Variants in CTNNA3 observed in about 807,000 individuals in gnomAD.
The protein encoded by CTNNA3 is catenin alpha-3.
CTNNA3 carries 76 observed loss-of-function variants against 95.7 expected under a neutral mutation model. The observed-to-expected ratio is 0.79, with a 90% CI of 0.66 to 0.96. The LOEUF (loss-of-function observed/expected upper bound fraction) is 0.96, where lower values mean the gene tolerates loss of function less well. Among genes scored for constraint, CTNNA3 ranks in the 40% least tolerant of loss-of-function variants. CTNNA3 has a pLI of 0.00. For missense variants in CTNNA3, 1,191 were observed against 1,089.8 expected, an observed-to-expected ratio of 1.09 and a Z score of -1.31; for synonymous variants, 431 against 374.4, an observed-to-expected ratio of 1.15 and a Z score of -1.74.
At position 67,092,041 on chromosome 10, in the gene CTNNA3, G is replaced by A. The variant is rs141463588; in HGVS notation, c.1047+88276C>T. On this transcript the variant is annotated intron_variant, in intron 7 of 17. Transcript: ENST00000433211. ...ATGAAAAATAAAAGTAAGAAAATAC[G>A]CCTCTGAATTTCAAGATAAAATGCA... Among the ~76,000 whole-genome samples the A allele has an allele frequency of 9.2e-4, 139 of 151,708 alleles. 2 individuals carry two copies. The highest frequency in any genetic ancestry group is 3.1e-3 in the African/African-American group (130 of 41,358).
rs528417930 is a variant in CTNNA3 at position 66,413,719 on chromosome 10, A to C, written c.1532-34367T>G. Among the ~76,000 whole-genome samples, 3 of 152,330 alleles carry C rather than the reference A, an allele frequency of 2.0e-5. No individual in the cohort carries two copies. The East Asian group carries it at 5.8e-4, about 29-fold the overall frequency. On this transcript the variant is annotated intron_variant, in intron 11 of 17. Coordinates refer to ENST00000433211, the MANE Select transcript of CTNNA3 (RefSeq NM_013266.4). ...CCTTAGAAGATTAAACAGCCATGTA[A>C]ATCCATTATCCAGAAGGTTAGACAT...
chr10:67,739,844 C>T (rs1371841742), intron 1 of CTNNA3, among the ~76,000 whole-genome samples: 2 of 152,062 alleles, frequency 1.3e-5, no homozygotes, highest in Non-Finnish European at 2.9e-5. Context: ...GAGGCCGCAT[C>T]GCCAAGTCAA....
At chr10:66,911,900 T>C (rs768759679) in intron 7 of CTNNA3, among the ~76,000 whole-genome samples, 1 of 152,266 alleles carries the variant, frequency 6.6e-6, no homozygotes, top group South Asian at 2.1e-4. Context: ...CCTGAACATA[T>C]AATGACATGT....
chr10:66,873,121 T>A (rs938196922), intron 7 of CTNNA3, among the ~76,000 whole-genome samples: 1 of 152,184 alleles, frequency 6.6e-6, no homozygotes, highest in Non-Finnish European at 1.5e-5. Flanking sequence ...GTTGATTTCA[T>A]GTTTTTGCTA....
intron 15 of CTNNA3, among the ~76,000 whole-genome samples, chr10:66,006,902 A>G (rs924166221): frequency 2.0e-5 from 3 of 152,194 alleles, no homozygotes; most frequent in African/African-American, 7.2e-5. Context: ...GTCAAGACCA[A>G]TCACAGCTAA....
intron 5 of CTNNA3, among the ~76,000 whole-genome samples, chr10:67,238,434 C>T (rs1204888391): frequency 6.7e-6 from 1 of 149,232 alleles, no homozygotes; most frequent in Non-Finnish European, 1.5e-5. Flanking sequence ...TCAGCAAATA[C>T]TAAACTAAAA....
chr10:67,535,206 G>T (rs527535533), intron 4 of CTNNA3, among the ~76,000 whole-genome samples: 2 of 152,106 alleles, frequency 1.3e-5, no homozygotes, highest in South Asian at 4.1e-4. Flanking sequence ...TTATACAGCA[G>T]CCCAATGAAG....
intron 3 of CTNNA3, among the ~76,000 whole-genome samples, chr10:67,550,434 G>C (rs1400308088): frequency 1.3e-5 from 2 of 151,918 alleles, no homozygotes; most frequent in Non-Finnish European, 2.9e-5. Context: ...ATGAAATCCT[G>C]AGCAAGTCAC....
intron 10 of CTNNA3, among the ~76,000 whole-genome samples, chr10:66,605,479 A>G (rs1844085954): frequency 6.6e-6 from 1 of 152,130 alleles, no homozygotes. Context: ...GATACTTCAC[A>G]AGAAGATCGC....
intron 5 of CTNNA3, among the ~76,000 whole-genome samples, chr10:67,245,855 C>CAAAA (rs34908113): frequency 2.6e-4 from 19 of 72,160 alleles, no homozygotes; most frequent in African/African-American, 5.6e-4. Flanking sequence ...ACTCTGTCTC[C>CAAAA]AAAAAAAAAA....
chr10:66,443,048 C>G (rs1338289832), intron 11 of CTNNA3, among the ~76,000 whole-genome samples: 1 of 152,170 alleles, frequency 6.6e-6, no homozygotes, highest in Non-Finnish European at 1.5e-5. Context: ...CCCACAGAGT[C>G]TCACTGATTG....
rs866366076 is a variant in CTNNA3, at chr10:67,726,641, T to C, written c.-2+36793A>G. ...ATAATATATATTATATTATATATAA[T>C]ATATACTATAATATATTATATATTA... On this transcript the variant is annotated intron_variant, in intron 1 of 17. Coordinates refer to the CTNNA3 transcript ENST00000684154. 6.8e-3 allele frequency among the ~76,000 whole-genome samples: 491 copies of C among 71,904 alleles called. 10 individuals carry two copies. The highest frequency in any genetic ancestry group is 0.027 in the African/African-American group (464 of 16,978). 47.2% of individuals were successfully genotyped at this position (71,904 alleles called of 152,430 possible).
chr10:67,121,326 C>T (rs781374849), intron 7 of CTNNA3, among the ~76,000 whole-genome samples: 2 of 152,020 alleles, frequency 1.3e-5, no homozygotes, highest in Non-Finnish European at 2.9e-5. Context: ...AAGCTTTGGA[C>T]ATGTACTCAC....
At chr10:66,056,565 C>T (rs2080092326) in intron 15 of CTNNA3, among the ~76,000 whole-genome samples, 1 of 152,082 alleles carries the variant, frequency 6.6e-6, no homozygotes, top group Non-Finnish European at 1.5e-5. Context: ...AGGAAGTACT[C>T]CCTCCTCCTC....
intron 2 of CTNNA3, among the ~76,000 whole-genome samples, chr10:67,640,656 G>C (rs1331529260): frequency 2.0e-5 from 3 of 152,076 alleles, no homozygotes; most frequent in Admixed American, 2.0e-4. Context: ...CCAAAACAGA[G>C]ATATCGACCA....
At chr10:66,001,020 C>A (rs1054079102) in intron 15 of CTNNA3, among the ~76,000 whole-genome samples, 2 of 152,010 alleles carry the variant, frequency 1.3e-5, no homozygotes, top group Admixed American at 6.6e-5. Flanking sequence ...AGATTGAAGA[C>A]CAGGGTTAAA....
chr10:67,579,028 TATATAC>T (rs1221737066), intron 3 of CTNNA3, among the ~76,000 whole-genome samples: 2,119 of 84,974 alleles, frequency 0.025, 83 homozygotes, highest in African/African-American at 0.099. Flanking sequence ...TATATATATA[TATATAC>T]ACACACACAC....
At chr10:66,779,172 C>T (rs1323160894) in intron 7 of CTNNA3, among the ~76,000 whole-genome samples, 2 of 152,002 alleles carry the variant, frequency 1.3e-5, no homozygotes, top group Admixed American at 6.6e-5. Context: ...TGTTCAAAGC[C>T]TCATATAATC....
chr10:67,425,434 G>A (rs964552396), intron 5 of CTNNA3, among the ~76,000 whole-genome samples: 1 of 151,754 alleles, frequency 6.6e-6, no homozygotes, highest in Non-Finnish European at 1.5e-5. Context: ...TGATCAGGCA[G>A]AAAATAGGAA....
Sources: allele counts gnomAD v4.1 joint callset (sites outside exome capture counted in the v4.1 genomes callset), GRCh38; gene constraint gnomAD v4.1.1; transcripts MANE v1.5; gene names NCBI Gene and HGNC (gene_info 2026-07-23, HGNC 2026-07-21).